KAZN: variants seen among roughly 807,000 people sequenced by gnomAD.
KAZN encodes the protein kazrin, periplakin interacting protein.
In KAZN, 40 loss-of-function variants were observed where a neutral mutation model predicts 87.4. The ratio of observed to expected loss-of-function variants is 0.46; its 90% CI spans 0.36 to 0.60. KAZN has a LOEUF of 0.60. Among genes scored for constraint, KAZN ranks in the 20% least tolerant of loss-of-function variants. The pLI is 0.00. For synonymous variants in KAZN, 466 were observed against 458.3 expected (o/e 1.02, Z -0.22); for missense variants, 898 against 1,073.9 (o/e 0.84, Z 2.29).
intron 1 of KAZN, among the ~76,000 whole-genome samples, chr1:14,939,242 G>T (rs1218055773): frequency 6.6e-6 from 1 of 152,088 alleles, no homozygotes; most frequent in Non-Finnish European, 1.5e-5. Context: ...AAAGTGCTGG[G>T]ATTACAGGTG....
chr1:14,601,823 G>A (rs1468092246), intron 1 of KAZN, among the ~76,000 whole-genome samples: 1 of 152,168 alleles, frequency 6.6e-6, no homozygotes, highest in Non-Finnish European at 1.5e-5. Flanking sequence ...TGAATAAAAC[G>A]AGTATCTTTG....
At position 14,246,081 on chromosome 1, in the gene KAZN, C is replaced by A. The variant is rs117836156; in HGVS notation, c.249+65489C>A. Among the ~76,000 whole-genome samples the A allele has an allele frequency of 1.8e-4, 28 of 152,208 alleles. No homozygotes were observed. The East Asian group carries it at 5.4e-3, about 29-fold the overall frequency. ...TATCCTAAGCAAAGTAATGCAGGAA[C>A]CAAACACCACATGTTCTTACTTATA... On this transcript the variant is annotated intron_variant, in intron 2 of 16. Coordinates refer to the KAZN transcript ENST00000636203.
chr1:14,267,376 A>T (rs1332703054), intron 2 of KAZN, among the ~76,000 whole-genome samples: 2 of 151,698 alleles, frequency 1.3e-5, no homozygotes, highest in Non-Finnish European at 2.9e-5. Context: ...AAAAAAAAAA[A>T]AAATCACAAA....
chr1:14,211,687 T>G (rs911205932), intron 2 of KAZN, among the ~76,000 whole-genome samples: 2 of 152,168 alleles, frequency 1.3e-5, no homozygotes, highest in African/African-American at 2.4e-5. Flanking sequence ...GTTGTTAAAC[T>G]ATTAATAGCT....
Position 14,858,209 on chromosome 1 carries a change from C to CTTT in KAZN, c.227-102473_227-102471dup, listed in dbSNP as rs762613728. 4.4e-3 allele frequency among the ~76,000 whole-genome samples: 515 copies of CTTT among 115,762 alleles called. 30 individuals are homozygous for CTTT. The highest frequency in any genetic ancestry group is 0.023 in the Admixed American group (247 of 10,890). The allele number at this position is 115,762 out of a possible 152,430, so 75.9% of individuals were successfully genotyped here. On this transcript the variant is annotated intron_variant, in intron 1 of 14. Transcript: ENST00000376030. The stretch of plus-strand genomic sequence containing the variant: ...CTTTCTTTTTTTCTTTTTTCTTTTT[C>CTTT]TTTTCTTTTTTTTTTTTTTTTGAGA...
chr1:14,865,741 A>C (rs1246724276), intron 1 of KAZN, among the ~76,000 whole-genome samples: 2 of 152,170 alleles, frequency 1.3e-5, no homozygotes, highest in Admixed American at 6.5e-5. Context: ...TGAAAACAAG[A>C]TCTCTGTGGT....
chr1:14,199,075 A>T (rs571197062), intron 2 of KAZN, among the ~76,000 whole-genome samples: 6 of 152,206 alleles, frequency 3.9e-5, no homozygotes, highest in African/African-American at 1.4e-4. Flanking sequence ...TAAGAAATGC[A>T]TTAAAAATGA....
At chr1:14,289,190 A>G (rs923576990) in intron 2 of KAZN, among the ~76,000 whole-genome samples, 3 of 152,130 alleles carry the variant, frequency 2.0e-5, no homozygotes, top group East Asian at 3.8e-4. Flanking sequence ...GTAGATGTCT[A>G]TTGGGTCTGC....
chr1:14,230,426 C>T (rs1280219776), intron 2 of KAZN, among the ~76,000 whole-genome samples: 1 of 152,138 alleles, frequency 6.6e-6, no homozygotes, highest in Non-Finnish European at 1.5e-5. Context: ...ATGAGGTAAG[C>T]ATTATCTCCC....
intron 2 of KAZN, among the ~76,000 whole-genome samples, chr1:14,409,160 T>C (rs933177535): frequency 2.0e-5 from 3 of 152,170 alleles, no homozygotes; most frequent in African/African-American, 7.2e-5. Flanking sequence ...TTTGACAAAA[T>C]ACAGTAGGCA....
chr1:14,430,247 T>C lies in KAZN; in HGVS notation c.250-168736T>C, dbSNP rs115370318. On this transcript the variant is annotated intron_variant, in intron 2 of 16. Transcript: ENST00000636203. ...AAAAAAAAAACTCTTTATCTTTGCC[T>C]ACTTTTTTTTCCTTTGTCCATATCA... Among the ~76,000 whole-genome samples, 924 of 150,508 alleles carry C rather than the reference T, an allele frequency of 6.1e-3. 10 individuals carry two copies. The highest frequency in any genetic ancestry group is 0.022 in the African/African-American group (889 of 40,794).
chr1:15,112,715 T>C (rs1641693943), intron 14 of KAZN, 174 bp downstream of exon 14: 3 of 521,990 alleles, frequency 5.7e-6, no homozygotes, highest in Non-Finnish European at 1.1e-5. Context: ...ACCTTCACGA[T>C]GCTTTGGGTA....
In KAZN at chr1:14,388,741, T is replaced by C. The variant is rs367628698; in HGVS notation, c.249+208149T>C. The stretch of plus-strand genomic sequence containing the variant: ...TTAAATATAAGACCTAAAACTATGA[T>C]ACTACTAAAAGAAAACATTAGGGAA... On this transcript the variant is annotated intron_variant, in intron 2 of 16. Transcript: ENST00000636203. 6.6e-5 allele frequency among the ~76,000 whole-genome samples: 10 copies of C among 152,268 alleles called. No individual in the cohort carries two copies. The East Asian group carries it at 1.5e-3, about 24-fold the overall frequency.
chr1:14,108,542 G>C lies in KAZN; in HGVS notation c.92-71893G>C, dbSNP rs115406097. On this transcript the variant is annotated intron_variant, in intron 1 of 16. Coordinates refer to the KAZN transcript ENST00000636203. The stretch of plus-strand genomic sequence containing the variant: ...CAGATCTCCCTCCCAGGAGGCAGGT[G>C]GTGGGCCAGACTTGCAGTGCCCTCT... 8.4e-3 allele frequency among the ~76,000 whole-genome samples: 1,282 copies of C among 152,244 alleles called. 21 individuals carry two copies. Among genetic ancestry groups the C allele is most frequent in the African/African-American group, 0.029 (1,194 of 41,536 alleles).
At chr1:14,160,628 T>C (rs931182495) in intron 1 of KAZN, among the ~76,000 whole-genome samples, 2 of 152,206 alleles carry the variant, frequency 1.3e-5, no homozygotes, top group Non-Finnish European at 2.9e-5. Context: ...GTTAACTTGG[T>C]GTCCTTATGG....
At position 13,939,291 on chromosome 1, in the gene KAZN, T is replaced by G. The variant is rs142921671; in HGVS notation, c.91+45535T>G. 4.6e-5 allele frequency among the ~76,000 whole-genome samples: 7 copies of G among 152,392 alleles called. No individual in the cohort carries two copies. In the East Asian group the frequency reaches 1.3e-3, roughly 29 times the overall value. On this transcript the variant is annotated intron_variant, in intron 1 of 16. Transcript: ENST00000636203. ...TGCATCTGAGTGTAGGCCACATTTT[T>G]AATGCTTTGCTGCTTAGAATTTTTT...
chr1:13,914,707 G>A (rs932750158), intron 1 of KAZN, among the ~76,000 whole-genome samples: 6 of 152,232 alleles, frequency 3.9e-5, no homozygotes, highest in African/African-American at 1.4e-4. Flanking sequence ...GCTGGGTGGA[G>A]TGGCTCACAC....
chr1:14,836,031 G>A (rs1260937900), intron 1 of KAZN, among the ~76,000 whole-genome samples: 1 of 152,174 alleles, frequency 6.6e-6, no homozygotes, highest in African/African-American at 2.4e-5. Flanking sequence ...ACCCTTGTGG[G>A]CCAGTTGGAT....
intron 1 of KAZN, among the ~76,000 whole-genome samples, chr1:14,076,927 G>T (rs1312211520): frequency 6.6e-6 from 1 of 152,188 alleles, no homozygotes; most frequent in Non-Finnish European, 1.5e-5. Context: ...GGATGCCGTT[G>T]TGCAGAGGAG....
Sources: allele counts gnomAD v4.1 joint callset (sites outside exome capture counted in the v4.1 genomes callset), GRCh38; gene constraint gnomAD v4.1.1; transcripts MANE v1.5; gene names NCBI Gene and HGNC (gene_info 2026-07-23, HGNC 2026-07-21).